UBAC2: variants seen among roughly 807,000 people sequenced by gnomAD.
UBAC2 encodes UBA domain containing 2, also known as ubiquitin-associated domain-containing protein 2.
Under a neutral mutation model 44.0 loss-of-function variants are expected in UBAC2, and 26 were observed. That is an observed-to-expected ratio of 0.59 (90% CI 0.43 to 0.82). The LOEUF is 0.82. Ranked by LOEUF, UBAC2 falls within the 40% of genes least tolerant of loss-of-function variation. UBAC2 has a pLI of 0.00. For synonymous variants in UBAC2, 155 were observed against 154.3 expected (o/e 1.00, Z -0.04); for missense variants, 329 against 419.4 (o/e 0.78, Z 1.88).
At chr13:99,284,798 T>C (rs1322183437) in intron 4 of UBAC2, among the ~76,000 whole-genome samples, 1 of 152,222 alleles carries the variant, frequency 6.6e-6, no homozygotes, top group African/African-American at 2.4e-5. Context: ...AAGCCAGGAC[T>C]TACAGAAAAC....
chr13:99,273,721 C>T (rs953391937), intron 4 of UBAC2, among the ~76,000 whole-genome samples: 2 of 151,932 alleles, frequency 1.3e-5, no homozygotes, highest in Non-Finnish European at 2.9e-5. Context: ...TGGTGTGGGC[C>T]CTGTCAAACA....
chr13:99,272,034 T>A (rs1023234167), intron 4 of UBAC2, among the ~76,000 whole-genome samples: 2 of 152,218 alleles, frequency 1.3e-5, no homozygotes, highest in African/African-American at 2.4e-5. Context: ...CTTTGTTGTT[T>A]CAGCAGACTA....
intron 4 of UBAC2, among the ~76,000 whole-genome samples, chr13:99,277,004 C>T (rs1322315522): frequency 6.6e-6 from 1 of 152,104 alleles, no homozygotes; most frequent in Non-Finnish European, 1.5e-5. Flanking sequence ...ATCAGGTTGC[C>T]TCTCAGATTT....
chr13:99,315,093 C>T (rs974951609), intron 5 of UBAC2, among the ~76,000 whole-genome samples: 2 of 152,168 alleles, frequency 1.3e-5, no homozygotes, highest in Admixed American at 1.3e-4. Context: ...CTCCAGTCTG[C>T]TGTCATGTGT....
chr13:99,305,913 C>G (rs533105869), intron 4 of UBAC2, among the ~76,000 whole-genome samples: 1 of 151,138 alleles, frequency 6.6e-6, no homozygotes, highest in African/African-American at 2.5e-5. Context: ...ATTTATCTAT[C>G]GAGACAGAGT....
intron 4 of UBAC2, among the ~76,000 whole-genome samples, chr13:99,246,976 T>C (rs75667683): frequency 0.014 from 2,197 of 152,278 alleles, 72 homozygotes; most frequent in East Asian, 0.074. Context: ...CTTTGTGTAA[T>C]GTAAATATAT....
At chr13:99,294,241 TGATC>T (rs2044133988) in intron 4 of UBAC2, among the ~76,000 whole-genome samples, 1 of 152,100 alleles carries the variant, frequency 6.6e-6, no homozygotes, top group South Asian at 2.1e-4. Flanking sequence ...AAAAGAGAAA[TGATC>T]CCCTAGTGAT....
At position 99,358,945 on chromosome 13, in the gene UBAC2, G is replaced by A. The variant is rs538068690; in HGVS notation, c.808-8842G>A. ...ACATGGCTCTGAGACACAGTGTTTG[G>A]GTTGGAGGTTCGAGTTTGGGAGTCT... On this transcript the variant is annotated intron_variant, in intron 7 of 8. Coordinates refer to ENST00000403766, the MANE Select transcript of UBAC2 (RefSeq NM_001144072.2). Among the ~76,000 whole-genome samples, 4 of 152,284 alleles carry A rather than the reference G, an allele frequency of 2.6e-5. No homozygotes were observed. The South Asian group carries it at 8.3e-4, about 32-fold the overall frequency.
chr13:99,338,920 C>T (rs2044841975), intron 6 of UBAC2, among the ~76,000 whole-genome samples: 1 of 152,194 alleles, frequency 6.6e-6, no homozygotes, highest in African/African-American at 2.4e-5. Flanking sequence ...CTCAGATTTC[C>T]TTACTGGCGT....
At position 99,229,697 on chromosome 13, in the gene UBAC2, A is replaced by G. The variant is rs1452915013; in HGVS notation, c.32-8730A>G. 3.3e-5 allele frequency among the ~76,000 whole-genome samples: 5 copies of G among 152,234 alleles called. No individual in the cohort carries two copies. In the East Asian group the frequency reaches 5.8e-4, roughly 18 times the overall value. On this transcript the variant is annotated intron_variant, in intron 1 of 8. Coordinates refer to ENST00000403766, the MANE Select transcript of UBAC2 (RefSeq NM_001144072.2). ...CCGGGCAAAGCTATTTTAATAATCA[A>G]TGGGGAAAATTTGGATTGTTCTGTG...
chr13:99,327,915 G>T (rs909494687), intron 6 of UBAC2, among the ~76,000 whole-genome samples: 13 of 151,928 alleles, frequency 8.6e-5, no homozygotes, highest in Admixed American at 8.5e-4. Flanking sequence ...TTGAACTTTG[G>T]TAGTTATATA....
intron 7 of UBAC2, among the ~76,000 whole-genome samples, chr13:99,349,908 C>T (rs1197080796): frequency 4.6e-5 from 7 of 152,028 alleles, no homozygotes; most frequent in Non-Finnish European, 8.8e-5. Flanking sequence ...TTCCCTGACT[C>T]CTCCAATGAA....
chr13:99,261,790 A>C (rs1425571718), intron 4 of UBAC2: 1 of 152,090 alleles, frequency 6.6e-6, no homozygotes, highest in African/African-American at 2.4e-5. Flanking sequence ...ATTGAGCAGA[A>C]CTCCATGGTT....
At chr13:99,255,282 CAAG>C (rs1164145407) in intron 4 of UBAC2, 2 of 1,613,614 alleles carry the variant, frequency 1.2e-6, no homozygotes, top group Non-Finnish European at 8.5e-7. Flanking sequence ...ACAAAGGAAT[CAAG>C]AAAAAAAATG....
intron 1 of UBAC2, among the ~76,000 whole-genome samples, chr13:99,216,834 C>CTTTTCTT (rs955528835): frequency 1.4e-5 from 2 of 140,624 alleles, no homozygotes; most frequent in African/African-American, 5.3e-5. Flanking sequence ...TTTCTTTTTT[C>CTTTTCTT]TTTTTTTTTT....
intron 4 of UBAC2, among the ~76,000 whole-genome samples, chr13:99,268,745 G>T (rs1196368334): frequency 1.3e-5 from 2 of 152,086 alleles, no homozygotes; most frequent in Non-Finnish European, 2.9e-5. Flanking sequence ...TTGTGAAATG[G>T]CATCATGGAG....
chr13:99,308,173 A>T (rs1224152402), intron 4 of UBAC2, among the ~76,000 whole-genome samples: 1 of 152,212 alleles, frequency 6.6e-6, no homozygotes, highest in Non-Finnish European at 1.5e-5. Flanking sequence ...TAGCACTCAG[A>T]TCAGGAGAGG....
At chr13:99,248,944 A>G (rs1420585224) in intron 4 of UBAC2, among the ~76,000 whole-genome samples, 1 of 152,152 alleles carries the variant, frequency 6.6e-6, no homozygotes, top group African/African-American at 2.4e-5. Context: ...AATTAGTAGC[A>G]TCTACTCAGA....
chr13:99,217,738 T>A (rs1341340998), intron 1 of UBAC2, among the ~76,000 whole-genome samples: 4 of 152,188 alleles, frequency 2.6e-5, no homozygotes, highest in African/African-American at 4.8e-5. Flanking sequence ...AGAGGAGAGT[T>A]ACTTGCCAGC....
Sources: gnomAD v4.1 joint callset for allele counts (sites outside exome capture counted in the v4.1 genomes callset) on GRCh38, gnomAD v4.1.1 for gene constraint, MANE v1.5 for transcripts, NCBI Gene and HGNC (gene_info 2026-07-23, HGNC 2026-07-21) for gene names.